Variants in DNAH7 observed in about 807,000 individuals in gnomAD.
DNAH7 encodes axonemal beta dynein heavy chain 7.
Under a neutral mutation model 444.6 loss-of-function variants are expected in DNAH7, and 397 were observed. The ratio of observed to expected loss-of-function variants is 0.89; its 90% CI spans 0.82 to 0.97. The LOEUF (loss-of-function observed/expected upper bound fraction) is 0.97, where lower values mean the gene tolerates loss of function less well. DNAH7 is among the 50% of genes least tolerant of loss of function. DNAH7 has a pLI of 0.00. For missense variants in DNAH7, 4,902 were observed against 4,800.8 expected (o/e 1.02, Z -0.62); for synonymous variants, 1,636 against 1,624.4 (o/e 1.01, Z -0.17).
chr2:195,865,518 G>T (rs1700277075), intron 40 of DNAH7, among the ~76,000 whole-genome samples: 1 of 152,186 alleles, frequency 6.6e-6, no homozygotes, highest in South Asian at 2.1e-4. Context: ...CTTGGGTAGA[G>T]GGAGAGTTGT....
At position 196,000,820 on chromosome 2, in the gene DNAH7, T is replaced by C. The variant is rs1304743545; in HGVS notation, c.1237A>G (p.Ile413Val). The change falls in exon 12 of 65, where the codon ATT becomes GTT. Residue 413 changes from isoleucine (I) to valine (V), a missense_variant. Physicochemically the swap from Ile to Val is conservative, Grantham distance 29. Transcript: ENST00000312428. ...TCACTCAACTCAGGTTCAAACTTAA[T>C]GGTGTCATTATCAAGAATCAGCCTC... ...IMRLILDNDTIKFEPELSDYI... is the reference protein window; with the variant it reads ...IMRLILDNDTVKFEPELSDYI... 3 of 1,609,674 alleles carry C rather than the reference T, an allele frequency of 1.9e-6. No individual in the cohort carries two copies. Among genetic ancestry groups the C allele is most frequent in the Non-Finnish European group, 2.5e-6 (3 of 1,177,732 alleles).
At chr2:195,890,148 A>G (rs1412254152) in intron 31 of DNAH7, among the ~76,000 whole-genome samples, 1 of 152,222 alleles carries the variant, frequency 6.6e-6, no homozygotes, top group African/African-American at 2.4e-5. Context: ...AGCCAACTGC[A>G]TTAATCTATA....
At chr2:195,887,041 CA>C (rs1296576972) in intron 33 of DNAH7, among the ~76,000 whole-genome samples, 1 of 152,056 alleles carries the variant, frequency 6.6e-6, no homozygotes, top group Admixed American at 6.6e-5. Context: ...ATTACTGATG[CA>C]ACACTAAAAT....
rs777258710 is a variant in DNAH7 at position 195,756,191 on chromosome 2, CTT to C, written c.11526_11527del (p.Ser3843ProfsTer2). ...CACATAGCTGCCAAGTGGTTTAAGG[CTT>C]GGGTAGGATTTACCCATCCACATTT... On this transcript the variant is annotated frameshift_variant, in exon 62 of 65. Coordinates refer to ENST00000312428, the MANE Select transcript of DNAH7 (RefSeq NM_018897.3). LOFTEE classifies it high-confidence loss of function. The C allele has an allele frequency of 1.2e-6, 2 of 1,613,372 alleles. No homozygotes were observed. Among genetic ancestry groups the C allele is most frequent in the African/African-American group, 2.7e-5 (2 of 74,926 alleles).
chr2:195,844,073 G>A (rs999415526), intron 47 of DNAH7, among the ~76,000 whole-genome samples: 1 of 151,236 alleles, frequency 6.6e-6, no homozygotes, highest in Non-Finnish European at 1.5e-5. Flanking sequence ...TCCAGCCTGG[G>A]CAACGGAGTG....
chr2:195,858,444 G>A (rs1175285407), intron 43 of DNAH7, 30 bp downstream of exon 43: 7 of 1,523,706 alleles, frequency 4.6e-6, no homozygotes, highest in Non-Finnish European at 6.2e-6. Flanking sequence ...GATGACATGT[G>A]TCCTAGAAAG....
In DNAH7 at chr2:195,824,424, T is replaced by G; in HGVS notation, c.9122A>C (p.Glu3041Ala). 6.2e-7 allele frequency: 1 copy of G among 1,605,320 alleles called. No individual in the cohort carries two copies. The highest frequency in any genetic ancestry group is 1.1e-5 in the South Asian group (1 of 88,290). Residue 3041 changes from glutamate to alanine, a missense_variant, in exon 49 of 65, where the codon GAA becomes GCA. Coordinates refer to ENST00000312428, the MANE Select transcript of DNAH7 (RefSeq NM_018897.3). ...AGGTTCCAAAATAGGATCTAGTTCT[T>G]CGCCAACATTTTCTAGCAACACTGG... ...GTPVLLENVG[E>A]ELDPILEPLL...
At chr2:195,784,912 C>CT (rs36020233) in intron 58 of DNAH7, among the ~76,000 whole-genome samples, 1,333 of 124,362 alleles carry the variant, frequency 0.011, 13 homozygotes, top group Non-Finnish European at 0.014. Flanking sequence ...ATCTTTGACC[C>CT]TTTTTTTTTT....
intron 54 of DNAH7, among the ~76,000 whole-genome samples, chr2:195,803,544 G>A (rs752729086): frequency 5.0e-4 from 76 of 152,190 alleles, no homozygotes; most frequent in Non-Finnish European, 1.0e-4. Context: ...AACAGAATTG[G>A]GTTTGCCTCT....
At chr2:195,807,030 GGACATGAACTAATCAGGTTAATGTC>G (rs1242070144) in intron 53 of DNAH7, among the ~76,000 whole-genome samples, 198 bp from the exon 54 acceptor site, 1 of 151,946 alleles carries the variant, frequency 6.6e-6, no homozygotes, top group Non-Finnish European at 1.5e-5. Flanking sequence ...GTCAAAACAA[GGACATGAACTAATCAGGTTAATGTC>G]GACATGAACA....
At chr2:196,038,639 T>C (rs892683350) in intron 5 of DNAH7, among the ~76,000 whole-genome samples, 6 of 152,194 alleles carry the variant, frequency 3.9e-5, no homozygotes, top group African/African-American at 1.4e-4. Flanking sequence ...AAAATGAAGA[T>C]ATTCCATGCA....
At chr2:195,881,108 G>A (rs935009936) in intron 36 of DNAH7, among the ~76,000 whole-genome samples, 13 of 151,954 alleles carry the variant, frequency 8.6e-5, no homozygotes, top group African/African-American at 2.7e-4. Flanking sequence ...TACTTTATGA[G>A]AGATGTCATT....
intron 22 of DNAH7, among the ~76,000 whole-genome samples, chr2:195,926,158 T>C (rs1255439048): frequency 6.6e-6 from 1 of 152,128 alleles, no homozygotes; most frequent in Non-Finnish European, 1.5e-5. Flanking sequence ...AAAATGTATA[T>C]AATAACAAGA....
At chr2:195,956,119 T>C (rs1035193451) in intron 19 of DNAH7, among the ~76,000 whole-genome samples, 1 of 152,178 alleles carries the variant, frequency 6.6e-6, no homozygotes, top group South Asian at 2.1e-4. Flanking sequence ...TTGACGTCAA[T>C]ACAGTATTAT....
intron 24 of DNAH7, among the ~76,000 whole-genome samples, chr2:195,921,169 A>G (rs1420086640): frequency 6.6e-6 from 1 of 152,220 alleles, no homozygotes; most frequent in East Asian, 1.9e-4. Flanking sequence ...TTAAAGAACT[A>G]AAAGTAGATC....
chr2:195,874,733 G>A (rs528021473), intron 38 of DNAH7, among the ~76,000 whole-genome samples: 28 of 152,034 alleles, frequency 1.8e-4, no homozygotes, highest in Non-Finnish European at 2.9e-4. Context: ...GAGGTGGGAG[G>A]ATCACTTGAG....
chr2:195,787,256 T>G, intron 57 of DNAH7, 85 bp from the exon 58 acceptor site: 1 of 1,386,170 alleles, frequency 7.2e-7, no homozygotes, highest in Non-Finnish European at 9.8e-7. Context: ...AAAGCAAATT[T>G]CTTTCATTTA....
intron 63 of DNAH7, among the ~76,000 whole-genome samples, chr2:195,742,948 C>T (rs762681948): frequency 1.1e-4 from 16 of 152,154 alleles, no homozygotes; most frequent in Non-Finnish European, 2.1e-4. Flanking sequence ...AGGAGATTAA[C>T]ATTTGAGTCA....
chr2:196,003,870 CT>C (rs918604284), intron 10 of DNAH7, among the ~76,000 whole-genome samples: 9 of 152,182 alleles, frequency 5.9e-5, no homozygotes, highest in Non-Finnish European at 1.5e-5. Flanking sequence ...GCACTCCCAT[CT>C]CACAAATGAA....
Sources: allele counts gnomAD v4.1 joint callset (sites outside exome capture counted in the v4.1 genomes callset), GRCh38; gene constraint gnomAD v4.1.1; transcripts MANE v1.5; gene names NCBI Gene and HGNC (gene_info 2026-07-23, HGNC 2026-07-21).